The following RUNX3 variants were observed in gnomAD, a reference collection of about 807,000 sequenced individuals.
RUNX3 encodes runt-related transcription factor 3.
RUNX3 carries 10 observed loss-of-function variants against 27.7 expected under a neutral mutation model. That is an observed-to-expected ratio of 0.36 (90% CI 0.22 to 0.61). The LOEUF (loss-of-function observed/expected upper bound fraction) is 0.61. Among genes scored for constraint, RUNX3 ranks in the 20% least tolerant of loss-of-function variants. The pLI, the probability that RUNX3 is intolerant of heterozygous loss-of-function variation, is 0.72. For missense variants in RUNX3, 469 were observed against 629.5 expected (o/e 0.75, Z 2.73); for synonymous variants, 270 against 269.2 (o/e 1.00, Z -0.03).
chr1:24,929,762 A>G lies in RUNX3; in HGVS notation c.107T>C (p.Leu36Pro). ...GGGCCCCACGGCCGCCTGCGCGCTC[A>G]GCGCGCCGCTGTTCTCGCCCATCTT... is the stretch of plus-strand genomic sequence containing the variant. ...GGKMGENSGA[L>P]SAQAAVGPGG... is the part of the protein sequence containing the mutation. Residue 36 changes from leucine to proline, a missense_variant, in exon 1 of 5, where the codon CTG (leucine) becomes CCG (proline). Physicochemically the swap from Leu to Pro is moderately conservative, Grantham distance 98. Around this residue, in one of 3 missense-constraint regions of RUNX3, gnomAD observed 115 missense variants for 118.0 expected, o/e 0.97. Transcript: ENST00000308873. The G allele has an allele frequency of 6.8e-7, 1 of 1,463,680 alleles. No homozygotes were observed. The highest frequency in any genetic ancestry group is 2.7e-5 in the Admixed American group (1 of 37,290). The allele number at this position is 1,463,680 out of a possible 1,614,324, so 90.7% of individuals were successfully genotyped here.
At position 24,902,724 on chromosome 1, in the gene RUNX3, C is replaced by T; in HGVS notation, c.704-58G>A. 7.1e-7 allele frequency: 1 copy of T among 1,416,330 alleles called. No homozygotes were observed. The highest frequency in any genetic ancestry group is 9.4e-7 in the Non-Finnish European group (1 of 1,058,916). 87.7% of individuals were successfully genotyped at this position (1,416,330 alleles called of 1,614,324 possible). A position where few individuals can be genotyped will look rare whatever the true frequency, so the allele number is the denominator to read the frequency against. Reference sequence around the variant, plus strand: ...CTCGAGACAACCCCAGGAGGGCTTCCTGAAGAATGACCTTGGGCTCTGGTT... The same window carrying T: ...CTCGAGACAACCCCAGGAGGGCTTCTTGAAGAATGACCTTGGGCTCTGGTT... On this transcript the variant is annotated intron_variant, in intron 4 of 4. Coordinates refer to ENST00000308873, the MANE Select transcript of RUNX3 (RefSeq NM_004350.3). The surrounding 1 kb of genome is among the most constrained non-coding windows in gnomAD (Gnocchi z 9.2).
chr1:24,947,254 C>T (rs1641631312), intron 2 of RUNX3, among the ~76,000 whole-genome samples: 2 of 152,176 alleles, frequency 1.3e-5, no homozygotes, highest in Admixed American at 1.3e-4. Flanking sequence ...CTGCCTGCTA[C>T]CCAATGGGGC....
Position 24,929,993 on chromosome 1 carries a change from G to C in RUNX3, c.-125C>G. On this transcript the variant is annotated 5_prime_UTR_variant, in exon 1 of 5. Coordinates refer to ENST00000308873, the MANE Select transcript of RUNX3 (RefSeq NM_004350.3). ...GGGAAAGCAGAAGCGGCGGGGCCCG[G>C]GCCTCAGGGCGCAGGGGGCGGCGCC... The C allele has an allele frequency of 8.6e-7, 1 of 1,164,368 alleles. No individual in the cohort carries two copies. Among genetic ancestry groups the C allele is most frequent in the Non-Finnish European group, 1.1e-6 (1 of 946,300 alleles). The allele number at this position is 1,164,368 out of a possible 1,614,324, so 72.1% of individuals were successfully genotyped here.
At chr1:24,952,826 C>CA (rs1035988242) in intron 2 of RUNX3, among the ~76,000 whole-genome samples, 4 of 152,208 alleles carry the variant, frequency 2.6e-5, no homozygotes, top group African/African-American at 9.7e-5. Context: ...ATCCGGTAGA[C>CA]AAACCCACAG....
At position 24,927,857 on chromosome 1, in the gene RUNX3, T is replaced by C; in HGVS notation, c.283-127A>G. 1 of 762,096 alleles carries C rather than the reference T, an allele frequency of 1.3e-6. No homozygotes were observed. Among genetic ancestry groups the C allele is most frequent in the South Asian group, 1.7e-5 (1 of 58,490 alleles). The allele number at this position is 762,096 out of a possible 1,614,324, so 47.2% of individuals were successfully genotyped here. A position where few individuals can be genotyped will look rare whatever the true frequency, so the allele number is the denominator to read the frequency against. ...CCAGGCACACTGAGTATTTCTCCAA[T>C]GCAGGGTGGAGAAGAGGCTTAAAAA... On this transcript the variant is annotated intron_variant, in intron 1 of 4. Transcript: ENST00000308873. This position sits in a 1 kb window ranked among gnomAD's most constrained non-coding sequence, Gnocchi z 5.0.
chr1:24,931,880 G>A (rs972201069), upstream of RUNX3, among the ~76,000 whole-genome samples: 3 of 152,246 alleles, frequency 2.0e-5, no homozygotes, highest in South Asian at 4.1e-4. Flanking sequence ...GAGAGCCTGC[G>A]CCTGGCAGTT....
At chr1:24,949,342 G>A (rs751084092) in intron 2 of RUNX3, among the ~76,000 whole-genome samples, 36 of 152,096 alleles carry the variant, frequency 2.4e-4, no homozygotes, top group Non-Finnish European at 4.0e-4. Flanking sequence ...ATCGTCCAGC[G>A]TCCAGGGCTG....
intron 2 of RUNX3, among the ~76,000 whole-genome samples, chr1:24,942,625 T>C (rs1444072316): frequency 2.0e-5 from 3 of 152,074 alleles, no homozygotes; most frequent in Non-Finnish European, 4.4e-5. Context: ...GGAACTGGCT[T>C]TACCCACCTG....
Position 24,941,672 on chromosome 1 carries a change from G to A in RUNX3, c.59-11820C>T, listed in dbSNP as rs190046282. ...GAACGGTGGCTCCAGGGTCCACAGC[G>A]GATCCCAAGGGACCAGAGGCCAGCA... is the stretch of plus-strand genomic sequence containing the variant. On this transcript the variant is annotated intron_variant, in intron 2 of 6. Coordinates refer to the RUNX3 transcript ENST00000338888. 1.4e-3 allele frequency among the ~76,000 whole-genome samples: 215 copies of A among 152,228 alleles called. 1 individual carries two copies. The highest frequency in any genetic ancestry group is 4.5e-3 in the African/African-American group (186 of 41,548).
chr1:24,901,603 G>A lies in RUNX3; in HGVS notation c.*519C>T, dbSNP rs1472742602. On this transcript the variant is annotated 3_prime_UTR_variant, in exon 5 of 5. Coordinates refer to ENST00000308873, the MANE Select transcript of RUNX3 (RefSeq NM_004350.3). ...AGGGGAACCCCGCTCGAGGGTGGTGGGGGTGGGGGACACTTTCCAGTTCTG... is the reference window on the plus strand; with the variant it reads ...AGGGGAACCCCGCTCGAGGGTGGTGAGGGTGGGGGACACTTTCCAGTTCTG... 6.4e-6 allele frequency: 1 copy of A among 155,234 alleles called. No individual in the cohort carries two copies. Among genetic ancestry groups the A allele is most frequent in the African/African-American group, 2.4e-5 (1 of 41,410 alleles). The allele number at this position is 155,234 out of a possible 1,614,324, so 9.6% of individuals were successfully genotyped here.
chr1:24,964,333 T>C (rs910633205), intron 2 of RUNX3, among the ~76,000 whole-genome samples: 4 of 152,146 alleles, frequency 2.6e-5, no homozygotes, highest in African/African-American at 4.8e-5. Flanking sequence ...GCCACAGCGA[T>C]GTTCCACGCC....
intron 2 of RUNX3, among the ~76,000 whole-genome samples, chr1:24,940,048 CTT>C (rs1217414794): frequency 3.9e-5 from 6 of 152,360 alleles, no homozygotes; most frequent in East Asian, 1.9e-4. Flanking sequence ...CAACTGGAGA[CTT>C]TGCCCTGGAG....
intron 2 of RUNX3, among the ~76,000 whole-genome samples, chr1:24,922,235 G>A (rs1308866077): frequency 4.2e-5 from 6 of 142,344 alleles, no homozygotes; most frequent in Non-Finnish European, 7.6e-5. Context: ...TGCCCAGGCT[G>A]GTCTTGAACT....
In RUNX3 at chr1:24,902,137, C is replaced by T. The variant is rs1269312801; in HGVS notation, c.1233G>A (p.Val411=). The T allele has an allele frequency of 2.4e-5, 38 of 1,553,352 alleles. No homozygotes were observed. Among genetic ancestry groups the T allele is most frequent in the Non-Finnish European group, 3.1e-5 (36 of 1,147,928 alleles). The change falls in exon 5 of 5, where the codon GTG becomes GTA. Residue 411 remains valine (V), a synonymous_variant. Coordinates refer to ENST00000308873, the MANE Select transcript of RUNX3 (RefSeq NM_004350.3). The surrounding 1 kb of genome is among the most constrained non-coding windows in gnomAD (Gnocchi z 9.2). The part of the protein sequence containing the change: ...LSTPGRMDEA[V]WRPY Reference sequence around the variant, plus strand: ...ACCAGGGCGGTCAGTAGGGCCGCCACACGGCCTCATCCATGCGGCCTGGCG... The same window carrying T: ...ACCAGGGCGGTCAGTAGGGCCGCCATACGGCCTCATCCATGCGGCCTGGCG...
At chr1:24,932,912 G>A (rs1297280070), upstream of RUNX3, among the ~76,000 whole-genome samples, 1 of 152,218 alleles carries the variant, frequency 6.6e-6, no homozygotes, top group Admixed American at 6.5e-5. Flanking sequence ...GGGCTAGGAA[G>A]CAGAAGGTCA....
intron 2 of RUNX3, among the ~76,000 whole-genome samples, chr1:24,958,951 G>T (rs960630245): frequency 6.6e-6 from 1 of 152,248 alleles, no homozygotes; most frequent in Non-Finnish European, 1.5e-5. Context: ...ATGGCAATAA[G>T]AGCTGGTGTT....
At chr1:24,921,049 G>C (rs1326782879) in intron 2 of RUNX3, among the ~76,000 whole-genome samples, 1 of 152,132 alleles carries the variant, frequency 6.6e-6, no homozygotes, top group Non-Finnish European at 1.5e-5. Flanking sequence ...AGGGGCCAAT[G>C]GTCTCGCACT....
chr1:24,933,865 G>A (rs1237595967), upstream of RUNX3, among the ~76,000 whole-genome samples: 1 of 152,212 alleles, frequency 6.6e-6, no homozygotes, highest in African/African-American at 2.4e-5. Context: ...AGCGAAGAGA[G>A]CAGAGGACTC....
chr1:24,945,852 A>G (rs1267997891), intron 2 of RUNX3, among the ~76,000 whole-genome samples: 1 of 152,148 alleles, frequency 6.6e-6, no homozygotes, highest in Non-Finnish European at 1.5e-5. Context: ...TAAAACTCCC[A>G]GGAGGACTTG....
Sources: gnomAD v4.1 joint callset for allele counts (sites outside exome capture counted in the v4.1 genomes callset) on GRCh38, gnomAD v4.1.1 for gene constraint, gnomAD v4.1.1 regional missense constraint, Gnocchi (gnomAD v3.1) non-coding constraint, MANE v1.5 for transcripts, NCBI Gene and HGNC (gene_info 2026-07-23, HGNC 2026-07-21) for gene names.